Variants in UNC13C observed in about 807,000 individuals in gnomAD.
The protein encoded by UNC13C is unc-13 homolog C, also known as protein unc-13 homolog C.
In UNC13C, 174 loss-of-function variants were observed where a neutral mutation model predicts 245.4. The ratio of observed to expected loss-of-function variants is 0.71; its 90% CI spans 0.63 to 0.80. The LOEUF (loss-of-function observed/expected upper bound fraction) is 0.80. UNC13C is among the 30% of genes least tolerant of loss of function. The probability of loss-of-function intolerance (pLI) is 0.00; values close to 1 mark genes in which losing one functional copy is unlikely to be tolerated. For missense variants in UNC13C, 2,829 were observed against 2,602.9 expected, an observed-to-expected ratio of 1.09 and a Z score of -1.89; for synonymous variants, 992 against 895.1, an observed-to-expected ratio of 1.11 and a Z score of -1.93.
chr15:54,022,468 C>G (rs939782978), intron 2 of UNC13C, among the ~76,000 whole-genome samples: 1 of 152,070 alleles, frequency 6.6e-6, no homozygotes, highest in Non-Finnish European at 1.5e-5. Flanking sequence ...CCACCCCAGC[C>G]CAGCCTCTTT....
At chr15:54,159,430 A>G (rs1327957926) in intron 4 of UNC13C, among the ~76,000 whole-genome samples, 1 of 152,204 alleles carries the variant, frequency 6.6e-6, no homozygotes, top group East Asian at 1.9e-4. Context: ...GTACAAAAGC[A>G]CTGTTTGTCC....
intron 2 of UNC13C, among the ~76,000 whole-genome samples, chr15:54,138,952 A>ACTTTTTTTTTTTT (rs1360382837): frequency 9.8e-5 from 2 of 20,496 alleles, no homozygotes; most frequent in Non-Finnish European, 2.2e-4. Context: ...AATTTCCCCT[A>ACTTTTTTTTTTTT]ATTTTTTTTT....
chr15:54,538,578 A>C (rs1303531739), intron 26 of UNC13C, among the ~76,000 whole-genome samples: 1 of 152,160 alleles, frequency 6.6e-6, no homozygotes, highest in Non-Finnish European at 1.5e-5. Flanking sequence ...ACAATAGCAA[A>C]GACAAGGAAT....
At chr15:54,533,988 T>C (rs1342553471) in intron 26 of UNC13C, among the ~76,000 whole-genome samples, 1 of 152,230 alleles carries the variant, frequency 6.6e-6, no homozygotes, top group African/African-American at 2.4e-5. Flanking sequence ...ATTATTGTTG[T>C]GGCAAACTAA....
intron 18 of UNC13C, among the ~76,000 whole-genome samples, chr15:54,407,714 G>A (rs1175449173): frequency 6.6e-6 from 1 of 151,964 alleles, no homozygotes; most frequent in Admixed American, 6.6e-5. Flanking sequence ...ATTGTTTTCG[G>A]TATAGAAGCA....
At chr15:53,906,383 C>G in the UNC13C span, among the ~76,000 whole-genome samples, 25 of 152,260 alleles carry the variant, frequency 1.6e-4, no homozygotes, top group Admixed American at 5.2e-4. Flanking sequence ...TCTGGCAATC[C>G]AACATGGACT....
intron 2 of UNC13C, among the ~76,000 whole-genome samples, chr15:54,091,156 G>A (rs190041115): frequency 1.3e-5 from 2 of 152,184 alleles, no homozygotes; most frequent in East Asian, 3.9e-4. Context: ...TGCTTTTTGA[G>A]GCTAGTTTGA....
chr15:54,233,157 T>A (rs375226364), intron 4 of UNC13C, among the ~76,000 whole-genome samples: 1 of 152,216 alleles, frequency 6.6e-6, no homozygotes, highest in East Asian at 1.9e-4. Context: ...TCACTGTGAC[T>A]AGCACAGCCC....
chr15:54,339,642 T>G (rs60894419), intron 17 of UNC13C, among the ~76,000 whole-genome samples: 312 of 10,078 alleles, frequency 0.031, no homozygotes, highest in Non-Finnish European at 0.073. Context: ...TATGTGGAGA[T>G]ATATATATAT....
chr15:54,031,309 C>T (rs191430426), intron 2 of UNC13C, among the ~76,000 whole-genome samples: 67 of 152,274 alleles, frequency 4.4e-4, no homozygotes, highest in Non-Finnish European at 8.8e-4. Flanking sequence ...CTGCAAGTTC[C>T]GCCTCCCGGG....
At chr15:54,309,588 T>A (rs2037815014) in intron 13 of UNC13C, among the ~76,000 whole-genome samples, 1 of 151,888 alleles carries the variant, frequency 6.6e-6, no homozygotes, top group South Asian at 2.1e-4. Flanking sequence ...CAGACCAATG[T>A]CATGCAGTTT....
chr15:54,550,455 T>A (rs12594773), intron 28 of UNC13C, among the ~76,000 whole-genome samples: 1 of 152,292 alleles, frequency 6.6e-6, no homozygotes, highest in East Asian at 1.9e-4. Flanking sequence ...CCACTTGCAG[T>A]TGGAGCTATC....
At chr15:54,472,601 A>G (rs1482505894) in intron 19 of UNC13C, among the ~76,000 whole-genome samples, 3 of 151,754 alleles carry the variant, frequency 2.0e-5, no homozygotes, top group African/African-American at 7.2e-5. Context: ...CTCTTCTTTT[A>G]TTTGTCTGAG....
At chr15:53,917,160 C>A in the UNC13C span, among the ~76,000 whole-genome samples, 1 of 152,076 alleles carries the variant, frequency 6.6e-6, no homozygotes, top group Non-Finnish European at 1.5e-5. Context: ...TTGTTCTTCC[C>A]CACACTATCA....
chr15:54,450,540 G>A (rs1314098397), intron 19 of UNC13C, among the ~76,000 whole-genome samples: 2 of 152,220 alleles, frequency 1.3e-5, no homozygotes, highest in Admixed American at 6.5e-5. Flanking sequence ...AGCAATGAGC[G>A]AGGCTCCATG....
chr15:54,088,958 G>T (rs144753779), intron 2 of UNC13C, among the ~76,000 whole-genome samples: 4 of 152,132 alleles, frequency 2.6e-5, no homozygotes, highest in Non-Finnish European at 4.4e-5. Flanking sequence ...AACTTGGCGG[G>T]GGGGAACATC....
At chr15:53,990,772 C>G (rs536842172) in intron 1 of UNC13C, among the ~76,000 whole-genome samples, 3 of 152,114 alleles carry the variant, frequency 2.0e-5, no homozygotes, top group South Asian at 2.1e-4. Context: ...ATGTATTTCT[C>G]CTTGTCCCTA....
chr15:54,349,452 G>A (rs1483885419), intron 17 of UNC13C, among the ~76,000 whole-genome samples: 1 of 151,890 alleles, frequency 6.6e-6, no homozygotes, highest in Non-Finnish European at 1.5e-5. Context: ...AGTAAAACTA[G>A]TGAAATTTTG....
At chr15:54,453,807 A>T (rs1891317578) in intron 19 of UNC13C, among the ~76,000 whole-genome samples, 1 of 152,184 alleles carries the variant, frequency 6.6e-6, no homozygotes, top group African/African-American at 2.4e-5. Flanking sequence ...ATAGTATATT[A>T]TTTTTAATGT....
Sources: allele counts gnomAD v4.1 joint callset (sites outside exome capture counted in the v4.1 genomes callset), GRCh38; gene constraint gnomAD v4.1.1; transcripts MANE v1.5; gene names NCBI Gene and HGNC (gene_info 2026-07-23, HGNC 2026-07-21).